CLCA2: variants seen among roughly 807,000 people sequenced by gnomAD.
CLCA2 encodes calcium-activated chloride channel regulator 2.
Under a neutral mutation model 82.9 loss-of-function variants are expected in CLCA2, and 85 were observed. That is an observed-to-expected ratio of 1.03 (90% CI 0.86 to 1.23). The LOEUF is 1.23. CLCA2 is among the 50% of genes most tolerant of loss of function. The pLI is 0.00. For synonymous variants in CLCA2, 421 were observed against 391.7 expected, an observed-to-expected ratio of 1.07 and a Z score of -0.88; for missense variants, 1,089 against 1,124.8, an observed-to-expected ratio of 0.97 and a Z score of 0.45.
rs1663078211 is a variant in CLCA2, at chr1:86,456,417, A to G, written c.*890A>G. The G allele has an allele frequency of 6.6e-6, 1 of 152,202 alleles. No homozygotes were observed. Among genetic ancestry groups the G allele is most frequent in the South Asian group, 2.1e-4 (1 of 4,832 alleles). 9.4% of individuals were successfully genotyped at this position (152,202 alleles called of 1,614,324 possible). Reference sequence around the variant, plus strand: ...AGAGTCTTTAATCCTTTCTCCATCAAGAGTTACTTACCAAGGGCAGGGGAA... The same window carrying G: ...AGAGTCTTTAATCCTTTCTCCATCAGGAGTTACTTACCAAGGGCAGGGGAA... On this transcript the variant is annotated 3_prime_UTR_variant, in exon 14 of 14. Transcript: ENST00000370565.
At chr1:86,454,207 C>T (rs1432116348) in intron 13 of CLCA2, among the ~76,000 whole-genome samples, 2 of 152,134 alleles carry the variant, frequency 1.3e-5, no homozygotes, top group Non-Finnish European at 2.9e-5. Flanking sequence ...ATTTCCACAA[C>T]ACCACTTATT....
rs1421653091 is a variant in CLCA2 at position 86,453,402 on chromosome 1, TA to T, written c.2190del (p.Gly731AlafsTer45). ...NIQMNAPRKS[V>X]GRNEEERKWG... ...CAGATGAATGCTCCAAGGAAATCAGTAGGCAGAAATGAGGAGGAGCGAAAGT... is the reference window on the plus strand; with the variant it reads ...CAGATGAATGCTCCAAGGAAATCAGTGGCAGAAATGAGGAGGAGCGAAAGT... On this transcript the variant is annotated frameshift_variant, in exon 13 of 14. Transcript: ENST00000370565. LOFTEE classifies it high-confidence loss of function. The T allele has an allele frequency of 4.3e-6, 7 of 1,614,154 alleles. No individual in the cohort carries two copies. Among genetic ancestry groups the T allele is most frequent in the Non-Finnish European group, 5.9e-6 (7 of 1,180,006 alleles).
At chr1:86,453,738 T>C (rs968851354) in intron 13 of CLCA2, 136 bp downstream of exon 13, 15 of 777,348 alleles carry the variant, frequency 1.9e-5, no homozygotes, top group Non-Finnish European at 3.0e-5. Flanking sequence ...CTTTAAATCC[T>C]GGAGTCCCAG....
chr1:86,427,927 T>C (rs762521203), intron 2 of CLCA2, among the ~76,000 whole-genome samples: 2 of 152,174 alleles, frequency 1.3e-5, no homozygotes, highest in Non-Finnish European at 2.9e-5. Context: ...AAAGAAATAA[T>C]GTTCTATTGT....
intron 6 of CLCA2, among the ~76,000 whole-genome samples, chr1:86,438,467 CCT>C (rs1393575093): frequency 1.3e-5 from 2 of 152,186 alleles, no homozygotes; most frequent in Non-Finnish European, 2.9e-5. Flanking sequence ...GATCATGGGT[CCT>C]CTGACTGCCA....
intron 5 of CLCA2, 73 bp downstream of exon 5, chr1:86,432,601 A>G: frequency 6.7e-7 from 1 of 1,487,606 alleles, no homozygotes; most frequent in Non-Finnish European, 9.1e-7. Context: ...TTTAAATTAT[A>G]AGATAATTAA....
chr1:86,435,240 T>C (rs17129150), intron 6 of CLCA2, among the ~76,000 whole-genome samples: 7,016 of 152,266 alleles, frequency 0.046, 223 homozygotes, highest in African/African-American at 0.073. Context: ...ATAATGCAGA[T>C]AAATGAAATC....
rs551438794 is a variant in CLCA2, at chr1:86,453,611, G to C, written c.2389+9G>C. On this transcript the variant is annotated intron_variant, in intron 13 of 13. Transcript: ENST00000370565. Reference sequence around the variant, plus strand: ...CTTTGATCAGGGCCAGGGTAGGTTTGCTCATTTCATTACCTATTTTTCCAT... The same window carrying C: ...CTTTGATCAGGGCCAGGGTAGGTTTCCTCATTTCATTACCTATTTTTCCAT... The C allele has an allele frequency of 8.1e-6, 13 of 1,608,906 alleles. No homozygotes were observed. In the South Asian group the frequency reaches 1.4e-4, roughly 18 times the overall value.
chr1:86,432,637 G>A (rs1662524097), intron 5 of CLCA2, 109 bp downstream of exon 5: 1 of 1,270,022 alleles, frequency 7.9e-7, no homozygotes, highest in Admixed American at 2.4e-5. Context: ...AGAACTTGGG[G>A]GACCCTAGAG....
chr1:86,444,206 T>C (rs1662802095), intron 10 of CLCA2, among the ~76,000 whole-genome samples, 195 bp downstream of exon 10: 1 of 152,242 alleles, frequency 6.6e-6, no homozygotes, highest in South Asian at 2.1e-4. Context: ...CAGTTTTATA[T>C]ATTAGACACC....
At chr1:86,431,014 CTA>C in intron 4 of CLCA2, 44 bp downstream of exon 4, 1 of 1,375,436 alleles carries the variant, frequency 7.3e-7, no homozygotes, top group African/African-American at 1.4e-5. Flanking sequence ...TTATTTGACT[CTA>C]AAATTGCTTA....
At chr1:86,426,431 T>C (rs1016002278) in intron 2 of CLCA2, among the ~76,000 whole-genome samples, 1 of 152,136 alleles carries the variant, frequency 6.6e-6, no homozygotes, top group Non-Finnish European at 1.5e-5. Flanking sequence ...TTGAATGGTA[T>C]AGCAATCCAG....
At position 86,446,010 on chromosome 1, in the gene CLCA2, A is replaced by G. The variant is rs563454338; in HGVS notation, c.1714-1498A>G. On this transcript the variant is annotated intron_variant, in intron 10 of 13. Transcript: ENST00000370565. Reference sequence around the variant, plus strand: ...AAACAAAGATCACACACACATTAGTACTAAATAGGGAAAAAAAATCAGCAG... The same window carrying G: ...AAACAAAGATCACACACACATTAGTGCTAAATAGGGAAAAAAAATCAGCAG... Among the ~76,000 whole-genome samples, 10 of 152,210 alleles carry G rather than the reference A, an allele frequency of 6.6e-5. No homozygotes were observed. In the South Asian group the frequency reaches 2.1e-3, roughly 32 times the overall value.
chr1:86,436,903 G>A (rs11161825), intron 6 of CLCA2, among the ~76,000 whole-genome samples: 8,141 of 152,110 alleles, frequency 0.054, 225 homozygotes, highest in Middle Eastern at 0.11. Context: ...AGTAGAGATG[G>A]GGTTTCTCCA....
At chr1:86,445,351 T>G (rs1662827218) in intron 10 of CLCA2, 1 of 147,234 alleles carries the variant, frequency 6.8e-6, no homozygotes, top group Non-Finnish European at 1.5e-5. Flanking sequence ...AATCCAAGTG[T>G]TAACCTTTTT....
chr1:86,447,954 T>G (rs1662889598), intron 11 of CLCA2, among the ~76,000 whole-genome samples, 176 bp downstream of exon 11: 2 of 152,124 alleles, frequency 1.3e-5, no homozygotes, highest in African/African-American at 2.4e-5. Context: ...CAGGTTAACA[T>G]GGAAAAAGAG....
At chr1:86,446,880 G>A (rs1469814176) in intron 10 of CLCA2, among the ~76,000 whole-genome samples, 1 of 152,224 alleles carries the variant, frequency 6.6e-6, no homozygotes, top group Non-Finnish European at 1.5e-5. Context: ...AGATAGGCAA[G>A]AGTAGTGTTT....
In CLCA2 at chr1:86,434,728, T is replaced by C. The variant is rs1469544183; in HGVS notation, c.955T>C (p.Ser319Pro). Residue 319 changes from serine (S) to proline (P), a missense_variant, in exon 6 of 14, where the codon TCC becomes CCC. Ser to Pro is a moderately conservative substitution (Grantham distance 74). Coordinates refer to ENST00000370565, the MANE Select transcript of CLCA2 (RefSeq NM_006536.7). ...AGTGGTCTGTTTAGTGCTGGATGTGTCCAGCAAGATGGCAGAGGTAACATT... is the reference window on the plus strand; with the variant it reads ...AGTGGTCTGTTTAGTGCTGGATGTGCCCAGCAAGATGGCAGAGGTAACATT... ...DKVVCLVLDV[S>P]SKMAEADRLL... 1.2e-6 allele frequency: 2 copies of C among 1,611,732 alleles called. No homozygotes were observed. The highest frequency in any genetic ancestry group is 2.7e-5 in the African/African-American group (2 of 74,892).
chr1:86,434,518 G>A lies in CLCA2; in HGVS notation c.745G>A (p.Val249Met), dbSNP rs1570255911. ...SIMFMQSLSS[V>M]VEFCNASTHN... ...TATTAAAGACTGTTTTTATTTCCAGGTGGTTGAATTTTGTAATGCAAGTAC... is the reference window on the plus strand; with the variant it reads ...TATTAAAGACTGTTTTTATTTCCAGATGGTTGAATTTTGTAATGCAAGTAC... The change falls in exon 6 of 14, where the codon GTG (valine) becomes ATG (methionine). Residue 249 changes from valine (V) to methionine (M), a missense_variant and splice_region_variant. Coordinates refer to ENST00000370565, the MANE Select transcript of CLCA2 (RefSeq NM_006536.7). The A allele has an allele frequency of 6.2e-7, 1 of 1,613,216 alleles. No homozygotes were observed. Among genetic ancestry groups the A allele is most frequent in the East Asian group, 2.2e-5 (1 of 44,856 alleles).
Sources: allele counts gnomAD v4.1 joint callset (sites outside exome capture counted in the v4.1 genomes callset), GRCh38; gene constraint gnomAD v4.1.1; transcripts MANE v1.5; gene names NCBI Gene and HGNC (gene_info 2026-07-23, HGNC 2026-07-21).